Variants in SMYD3 observed in about 807,000 individuals in gnomAD.
SMYD3 encodes histone-lysine N-methyltransferase SMYD3.
A neutral mutation model predicts 57.7 loss-of-function variants in SMYD3; 36 were observed. That is an observed-to-expected ratio of 0.62 (90% CI 0.48 to 0.82). SMYD3 has a LOEUF of 0.82. Among genes scored for constraint, SMYD3 ranks in the 40% least tolerant of loss-of-function variants. The probability of loss-of-function intolerance (pLI) is 0.00; values close to 1 mark genes in which losing one functional copy is unlikely to be tolerated. For missense variants in SMYD3, 515 were observed against 538.8 expected, an observed-to-expected ratio of 0.96 and a Z score of 0.44; for synonymous variants, 211 against 195.0, an observed-to-expected ratio of 1.08 and a Z score of -0.68.
chr1:245,870,869 G>A (rs930331745), intron 8 of SMYD3, among the ~76,000 whole-genome samples: 5 of 152,070 alleles, frequency 3.3e-5, no homozygotes, highest in African/African-American at 7.2e-5. Flanking sequence ...CTTGCAGCTC[G>A]AACACTTGAA....
At position 246,138,575 on chromosome 1, in the gene SMYD3, G is replaced by A. The variant is rs1181371558; in HGVS notation, c.531+188626C>T. Among the ~76,000 whole-genome samples the A allele has an allele frequency of 9.5e-5, 10 of 105,536 alleles. 1 individual carries two copies. Among genetic ancestry groups the A allele is most frequent in the East Asian group, 5.9e-4 (3 of 5,106 alleles). 69.2% of individuals were successfully genotyped at this position (105,536 alleles called of 152,430 possible). A position where few individuals can be genotyped will look rare whatever the true frequency, so the allele number is the denominator to read the frequency against. On this transcript the variant is annotated intron_variant, in intron 5 of 11. Coordinates refer to ENST00000490107, the MANE Select transcript of SMYD3 (RefSeq NM_001167740.2). ...CGAGTAGCTGGGACTGCAGGCTCCC[G>A]CCACCACGCCCGGCTAATTTTTTGT...
intron 1 of SMYD3, chr1:246,417,535 G>A (rs1572482158): frequency 6.6e-6 from 1 of 152,352 alleles, no homozygotes; most frequent in African/African-American, 2.4e-5. Flanking sequence ...CACGTGCTGA[G>A]TCAGTTTCTA....
intron 10 of SMYD3, among the ~76,000 whole-genome samples, chr1:245,781,746 C>G (rs1014903216): frequency 6.6e-6 from 1 of 152,186 alleles, no homozygotes; most frequent in South Asian, 2.1e-4. Flanking sequence ...TTTGGGAGGC[C>G]GAGCACTGGG....
intron 1 of SMYD3, among the ~76,000 whole-genome samples, chr1:246,374,901 T>C (rs1328733116): frequency 6.6e-6 from 1 of 152,086 alleles, no homozygotes; most frequent in South Asian, 2.1e-4. Context: ...AACACCAGCC[T>C]GGCCAACATG....
rs77736350 is a variant in SMYD3, at chr1:246,211,854, T to A, written c.531+115347A>T. Among the ~76,000 whole-genome samples, 816 of 151,836 alleles carry A rather than the reference T, an allele frequency of 5.4e-3. 15 individuals are homozygous for A. In the East Asian group the frequency reaches 0.074, roughly 14 times the overall value. ...TCATGTTTATTGAATATCTACTGTG[T>A]AAAAATTCTATGGGTAGCATAAAGA... is the stretch of plus-strand genomic sequence containing the variant. On this transcript the variant is annotated intron_variant, in intron 5 of 11. Coordinates refer to ENST00000490107, the MANE Select transcript of SMYD3 (RefSeq NM_001167740.2).
intron 7 of SMYD3, among the ~76,000 whole-genome samples, chr1:245,922,128 G>A (rs1219542797): frequency 6.6e-6 from 1 of 152,106 alleles, no homozygotes; most frequent in African/African-American, 2.4e-5. Context: ...GAATTTAACT[G>A]TGAAATCACA....
At chr1:246,111,901 T>C (rs964444806) in intron 5 of SMYD3, among the ~76,000 whole-genome samples, 1 of 152,220 alleles carries the variant, frequency 6.6e-6, no homozygotes, top group African/African-American at 2.4e-5. Context: ...TGTTAATTCA[T>C]ACAAACTGCA....
chr1:246,070,171 T>TA (rs1174634136), intron 5 of SMYD3, among the ~76,000 whole-genome samples: 6 of 152,146 alleles, frequency 3.9e-5, no homozygotes, highest in African/African-American at 1.4e-4. Context: ...TGGCAATTTC[T>TA]AAACCTACGG....
rs577778920 is a variant in SMYD3 at position 245,793,039 on chromosome 1, A to G, written c.1077-28890T>C. Reference sequence around the variant, plus strand: ...AATATCTTCCATATAGGCCAGGCACAGTGGCTCATGCCTGTAATCCCAGCA... The same window carrying G: ...AATATCTTCCATATAGGCCAGGCACGGTGGCTCATGCCTGTAATCCCAGCA... On this transcript the variant is annotated intron_variant, in intron 10 of 11. Coordinates refer to ENST00000490107, the MANE Select transcript of SMYD3 (RefSeq NM_001167740.2). Among the ~76,000 whole-genome samples, 1,467 of 150,958 alleles carry G rather than the reference A, an allele frequency of 9.7e-3. 14 individuals are homozygous for G. The highest frequency in any genetic ancestry group is 0.03 in the African/African-American group (1,218 of 40,888).
chr1:246,104,058 A>T (rs914807239), intron 5 of SMYD3, among the ~76,000 whole-genome samples: 1 of 152,208 alleles, frequency 6.6e-6, no homozygotes, highest in African/African-American at 2.4e-5. Context: ...TATGGAACAC[A>T]AACTATTAGT....
intron 8 of SMYD3, among the ~76,000 whole-genome samples, chr1:245,866,038 C>T (rs540702262): frequency 2.0e-5 from 3 of 152,320 alleles, no homozygotes; most frequent in East Asian, 3.9e-4. Flanking sequence ...ATACTCTAGA[C>T]ATCCCCCTGG....
At chr1:245,862,619 T>C (rs559168077) in intron 9 of SMYD3, among the ~76,000 whole-genome samples, 61 of 109,188 alleles carry the variant, frequency 5.6e-4, no homozygotes, top group Admixed American at 4.7e-3. Context: ...TATGGAATTA[T>C]GCATTAAAGA....
At chr1:246,439,753 GC>G (rs34847562) in intron 1 of SMYD3, among the ~76,000 whole-genome samples, 627 of 152,306 alleles carry the variant, frequency 4.1e-3, no homozygotes, top group Non-Finnish European at 7.2e-3. Flanking sequence ...TTGAAGACCA[GC>G]CCGTGCAACG....
At chr1:246,395,697 CATGGCTGG>C (rs2066653467) in intron 1 of SMYD3, among the ~76,000 whole-genome samples, 15 of 37,282 alleles carry the variant, frequency 4.0e-4, no homozygotes, top group African/African-American at 6.9e-4. Flanking sequence ...ACGAACCCAC[CATGGCTGG>C]ACAGGGAAGA....
At chr1:246,435,406 G>A (rs562769495) in intron 1 of SMYD3, among the ~76,000 whole-genome samples, 8 of 151,882 alleles carry the variant, frequency 5.3e-5, no homozygotes, top group South Asian at 2.1e-4. Flanking sequence ...GAGGTTTCAC[G>A]GATTTCATAA....
chr1:245,752,895 C>G (rs1041837362), intron 11 of SMYD3, among the ~76,000 whole-genome samples: 1 of 152,184 alleles, frequency 6.6e-6, no homozygotes, highest in African/African-American at 2.4e-5. Context: ...CTAAGGATGA[C>G]CTCTCGGCTC....
At chr1:245,846,244 C>A (rs2050657899) in intron 10 of SMYD3, among the ~76,000 whole-genome samples, 1 of 152,160 alleles carries the variant, frequency 6.6e-6, no homozygotes, top group Non-Finnish European at 1.5e-5. Flanking sequence ...AGACGTCAGT[C>A]CGACGGCCCA....
At chr1:245,987,691 T>C (rs1446202744) in intron 5 of SMYD3, among the ~76,000 whole-genome samples, 3 of 152,206 alleles carry the variant, frequency 2.0e-5, no homozygotes, top group Non-Finnish European at 2.9e-5. Context: ...ACACGACTTA[T>C]CAACAGTGGA....
intron 5 of SMYD3, chr1:245,956,098 T>C (rs892750446): frequency 1.0e-6 from 1 of 976,916 alleles, no homozygotes; most frequent in African/African-American, 1.8e-5. Flanking sequence ...TTTTTCATTT[T>C]TCAGAGATGG....
Sources: gnomAD v4.1 joint callset for allele counts (sites outside exome capture counted in the v4.1 genomes callset) on GRCh38, gnomAD v4.1.1 for gene constraint, MANE v1.5 for transcripts, NCBI Gene and HGNC (gene_info 2026-07-23, HGNC 2026-07-21) for gene names.